KIAA1958: variants seen among roughly 807,000 people sequenced by gnomAD.
The protein encoded by KIAA1958 is KIAA1958, also known as uncharacterized protein KIAA1958.
Under a neutral mutation model 47.2 loss-of-function variants are expected in KIAA1958, and 14 were observed. The ratio of observed to expected loss-of-function variants is 0.30; its 90% CI spans 0.20 to 0.46. The LOEUF (loss-of-function observed/expected upper bound fraction) is 0.46. Ranked by LOEUF, KIAA1958 falls within the 20% of genes least tolerant of loss-of-function variation. KIAA1958 has a pLI of 1.00. For synonymous variants in KIAA1958, 354 were observed against 353.3 expected (o/e 1.00, Z -0.02); for missense variants, 803 against 909.2 (o/e 0.88, Z 1.50).
chr9:112,535,333 T>C (rs1037097233), intron 1 of KIAA1958, among the ~76,000 whole-genome samples: 41 of 152,332 alleles, frequency 2.7e-4, no homozygotes, highest in Middle Eastern at 6.8e-3. Flanking sequence ...TGAGACCATG[T>C]GGTATTTGTC....
intron 1 of KIAA1958, among the ~76,000 whole-genome samples, chr9:112,497,619 T>G (rs1324164545): frequency 6.6e-6 from 1 of 152,180 alleles, no homozygotes; most frequent in Non-Finnish European, 1.5e-5. Flanking sequence ...CCACTCTTAT[T>G]CAGATTTCCA....
At chr9:112,549,699 A>G (rs1392734106) in intron 1 of KIAA1958, among the ~76,000 whole-genome samples, 1 of 152,214 alleles carries the variant, frequency 6.6e-6, no homozygotes, top group African/African-American at 2.4e-5. Flanking sequence ...GGCGAGGGGA[A>G]GAGCTGCAGA....
intron 2 of KIAA1958, among the ~76,000 whole-genome samples, chr9:112,576,138 A>G (rs1000412766): frequency 3.3e-5 from 5 of 152,232 alleles, no homozygotes; most frequent in Non-Finnish European, 7.3e-5. Context: ...CTGTGCCTTC[A>G]TCCTGAAACG....
chr9:112,578,171 A>G (rs1264432458), intron 2 of KIAA1958, among the ~76,000 whole-genome samples: 1 of 152,228 alleles, frequency 6.6e-6, no homozygotes, highest in Non-Finnish European at 1.5e-5. Context: ...GTATAAAGTT[A>G]ACATAAAATT....
intron 1 of KIAA1958, among the ~76,000 whole-genome samples, chr9:112,553,195 T>C (rs1228286180): frequency 6.9e-6 from 1 of 145,736 alleles, no homozygotes. Context: ...CCCCTTCTTT[T>C]CCTACTTTTA....
intron 1 of KIAA1958, among the ~76,000 whole-genome samples, chr9:112,495,901 A>G (rs1343098862): frequency 6.6e-6 from 1 of 152,206 alleles, no homozygotes; most frequent in Non-Finnish European, 1.5e-5. Context: ...ATGCCCTGAG[A>G]CCACTATATA....
At chr9:112,580,396 T>A (rs1162829933) in intron 2 of KIAA1958, among the ~76,000 whole-genome samples, 1 of 152,180 alleles carries the variant, frequency 6.6e-6, no homozygotes, top group Non-Finnish European at 1.5e-5. Flanking sequence ...ATATGTGTGC[T>A]TGTGTATACA....
At position 112,575,149 on chromosome 9, in the gene KIAA1958, C is replaced by T; in HGVS notation, c.1069C>T (p.Leu357Phe). 1 of 1,601,388 alleles carries T rather than the reference C, an allele frequency of 6.2e-7. No individual in the cohort carries two copies. Among genetic ancestry groups the T allele is most frequent in the Non-Finnish European group, 8.5e-7 (1 of 1,179,744 alleles). Residue 357 changes from leucine (L) to phenylalanine (F), a missense_variant, in exon 2 of 4, where the codon CTT becomes TTT. Transcript: ENST00000337530. Reference sequence around the variant, plus strand: ...CCAGGTCTCCTCCTGTGAGGTAGCCCTTTCTCCCTCAGTTAACACAGAGCC... The same window carrying T: ...CCAGGTCTCCTCCTGTGAGGTAGCCTTTTCTCCCTCAGTTAACACAGAGCC... ...PSQVSSCEVA[L>F]SPSVNTEPEV... is the part of the protein sequence containing the mutation.
chr9:112,564,455 A>G (rs1022730535), intron 1 of KIAA1958, among the ~76,000 whole-genome samples: 1 of 152,150 alleles, frequency 6.6e-6, no homozygotes, highest in Non-Finnish European at 1.5e-5. Flanking sequence ...TTTTGGGTAG[A>G]TTGTTGTGAC....
chr9:112,612,522 C>T (rs746077626), intron 2 of KIAA1958, among the ~76,000 whole-genome samples: 5 of 151,888 alleles, frequency 3.3e-5, no homozygotes, highest in Non-Finnish European at 7.4e-5. Flanking sequence ...TGACAAAATT[C>T]ACAGAAAATG....
chr9:112,624,762 T>C lies in KIAA1958; in HGVS notation c.1172-20888T>C, dbSNP rs572193948. On this transcript the variant is annotated intron_variant, in intron 2 of 3. Transcript: ENST00000337530. ...ACTTTTGTGAATTAGAACCAGAGTA[T>C]TAATTAGGTCAGAGTCCCAGTTTGA... is the stretch of plus-strand genomic sequence containing the variant. Among the ~76,000 whole-genome samples the C allele has an allele frequency of 2.0e-5, 3 of 152,316 alleles. No individual in the cohort carries two copies. In the East Asian group the frequency reaches 5.8e-4, roughly 29 times the overall value.
At chr9:112,621,355 TA>T (rs568850936) in intron 2 of KIAA1958, among the ~76,000 whole-genome samples, 2 of 152,148 alleles carry the variant, frequency 1.3e-5, no homozygotes, top group Non-Finnish European at 2.9e-5. Flanking sequence ...CTCTAATGTT[TA>T]AAAAAAGGTC....
At chr9:112,602,374 G>A (rs1241874038) in intron 2 of KIAA1958, among the ~76,000 whole-genome samples, 1 of 152,122 alleles carries the variant, frequency 6.6e-6, no homozygotes, top group East Asian at 1.9e-4. Flanking sequence ...CAGGGATCAT[G>A]TTTTTTAAAA....
intron 2 of KIAA1958, among the ~76,000 whole-genome samples, chr9:112,632,148 A>G (rs1836721161): frequency 1.3e-5 from 2 of 152,230 alleles, no homozygotes; most frequent in Admixed American, 1.3e-4. Context: ...TCACTAACCA[A>G]TGTGATGTGT....
rs1372002276 is a variant in KIAA1958 at position 112,668,355 on chromosome 9, A to G, written c.*8286A>G. The G allele has an allele frequency of 1.3e-5, 2 of 152,250 alleles. No homozygotes were observed. Among genetic ancestry groups the G allele is most frequent in the African/African-American group, 4.8e-5 (2 of 41,464 alleles). The allele number at this position is 152,250 out of a possible 1,614,324, so 9.4% of individuals were successfully genotyped here. ...AGAATACAAATGCAAGAAAAGTTCA[A>G]TTTCAACAGCAGAAAGATGGCCTGG... is the stretch of plus-strand genomic sequence containing the variant. On this transcript the variant is annotated 3_prime_UTR_variant, in exon 4 of 4. Coordinates refer to ENST00000337530, the MANE Select transcript of KIAA1958 (RefSeq NM_133465.4).
rs372650280 is a variant in KIAA1958 at position 112,574,865 on chromosome 9, C to A, written c.785C>A (p.Thr262Lys). The A allele has an allele frequency of 1.2e-6, 2 of 1,614,042 alleles. No individual in the cohort carries two copies. The highest frequency in any genetic ancestry group is 3.3e-5 in the Admixed American group (2 of 60,006). Reference protein sequence around the residue: ...LIPHVTSAISTELDPHGMSAS... With the variant: ...LIPHVTSAISKELDPHGMSAS... ...CCCCATGTCACATCTGCCATCAGCACGGAGCTAGACCCACACGGTATGTCT... is the reference window on the plus strand; with the variant it reads ...CCCCATGTCACATCTGCCATCAGCAAGGAGCTAGACCCACACGGTATGTCT... The change falls in exon 2 of 4, where the codon ACG (threonine) becomes AAG (lysine). Residue 262 changes from threonine (T) to lysine (K), a missense_variant. Physicochemically the swap from Thr to Lys is moderately conservative, Grantham distance 78. Transcript: ENST00000337530.
intron 2 of KIAA1958, among the ~76,000 whole-genome samples, chr9:112,635,495 G>T (rs1263794657): frequency 6.6e-6 from 1 of 152,014 alleles, no homozygotes; most frequent in Admixed American, 6.6e-5. Context: ...CAAGTTATCC[G>T]CCTGCCTTGG....
chr9:112,523,478 G>A (rs1481507922), intron 1 of KIAA1958, among the ~76,000 whole-genome samples: 7 of 147,014 alleles, frequency 4.8e-5, no homozygotes, highest in South Asian at 2.2e-4. Flanking sequence ...AGCACCAACC[G>A]GTAGATATGT....
intron 3 of KIAA1958, among the ~76,000 whole-genome samples, chr9:112,648,350 AAGTTGTCATGACAG>A (rs1288934529): frequency 6.6e-6 from 1 of 152,172 alleles, no homozygotes; most frequent in African/African-American, 2.4e-5. Context: ...AACATGGCTA[AAGTTGTCATGACAG>A]AGCACTCAGA....
Sources: allele counts gnomAD v4.1 joint callset (sites outside exome capture counted in the v4.1 genomes callset), GRCh38; gene constraint gnomAD v4.1.1; transcripts MANE v1.5; gene names NCBI Gene and HGNC (gene_info 2026-07-23, HGNC 2026-07-21).